HDAC9: variants seen among roughly 807,000 people sequenced by gnomAD.
HDAC9 encodes histone deacetylase 9, also known as MEF-2 interacting transcription repressor (MITR) protein.
A neutral mutation model predicts 139.4 loss-of-function variants in HDAC9; 41 were observed. The observed-to-expected ratio is 0.29, with a 90% confidence interval of 0.23 to 0.38. The LOEUF is 0.38. HDAC9 is among the 10% of genes least tolerant of loss of function. The pLI, the probability that HDAC9 is intolerant of heterozygous loss-of-function variation, is 1.00. For synonymous variants in HDAC9, 517 were observed against 476.2 expected (o/e 1.09, Z -1.12); for missense variants, 1,147 against 1,297.0 (o/e 0.88, Z 1.78).
intron 1 of HDAC9, among the ~76,000 whole-genome samples, chr7:18,108,766 C>T (rs374504365): frequency 2.6e-5 from 4 of 151,910 alleles, no homozygotes; most frequent in South Asian, 2.1e-4. Context: ...GGATTACAGG[C>T]GCGTGCCACC....
chr7:18,796,008 C>G (rs894657447), intron 17 of HDAC9, among the ~76,000 whole-genome samples: 1 of 152,204 alleles, frequency 6.6e-6, no homozygotes, highest in Non-Finnish European at 1.5e-5. Context: ...ATTCATTTTT[C>G]TGCATCTACA....
At chr7:18,325,215 T>A (rs1374488250) in intron 1 of HDAC9, among the ~76,000 whole-genome samples, 2 of 152,158 alleles carry the variant, frequency 1.3e-5, no homozygotes, top group African/African-American at 4.8e-5. Flanking sequence ...AGCATGTGAA[T>A]ATAAATATTA....
chr7:18,458,798 TGGA>T (rs1301614305), intron 1 of HDAC9: 21 of 1,385,560 alleles, frequency 1.5e-5, no homozygotes, highest in Non-Finnish European at 2.0e-5. Context: ...CCAACTCCCA[TGGA>T]GGGTCCTTCC....
intron 1 of HDAC9, among the ~76,000 whole-genome samples, chr7:18,347,401 A>G (rs1782499233): frequency 6.6e-6 from 1 of 152,184 alleles, no homozygotes; most frequent in Non-Finnish European, 1.5e-5. Flanking sequence ...GATGTTTTTC[A>G]TAATGAGTCC....
At chr7:18,937,430 A>G (rs1183356844) in intron 23 of HDAC9, among the ~76,000 whole-genome samples, 2 of 152,194 alleles carry the variant, frequency 1.3e-5, no homozygotes, top group East Asian at 3.9e-4. Context: ...ATCACGCACA[A>G]TTCAACGTGT....
At chr7:18,696,453 G>A (rs952657016) in intron 12 of HDAC9, among the ~76,000 whole-genome samples, 4 of 148,212 alleles carry the variant, frequency 2.7e-5, no homozygotes, top group Non-Finnish European at 5.9e-5. Context: ...ATAATGATCT[G>A]CGGTTGCTTT....
chr7:18,861,413 T>C (rs955182023), intron 21 of HDAC9, among the ~76,000 whole-genome samples: 1 of 152,184 alleles, frequency 6.6e-6, no homozygotes, highest in African/African-American at 2.4e-5. Context: ...TAAGAATCAG[T>C]TTATCTGTTT....
At chr7:18,970,330 G>C (rs901548894) in intron 24 of HDAC9, among the ~76,000 whole-genome samples, 9 of 152,246 alleles carry the variant, frequency 5.9e-5, no homozygotes, top group African/African-American at 1.7e-4. Context: ...GAAGAAGCTG[G>C]TAGCTATGCT....
At chr7:18,420,704 A>T (rs1338115833) in intron 1 of HDAC9, among the ~76,000 whole-genome samples, 1 of 152,176 alleles carries the variant, frequency 6.6e-6, no homozygotes, top group Non-Finnish European at 1.5e-5. Flanking sequence ...AATATCCCTG[A>T]TCTTACAGAA....
intron 17 of HDAC9, among the ~76,000 whole-genome samples, chr7:18,811,991 A>T (rs1456252084): frequency 6.6e-6 from 1 of 151,928 alleles, no homozygotes. Context: ...TAATATACAC[A>T]TGTAGCTTAT....
chr7:18,553,882 T>G (rs1466540406), intron 2 of HDAC9, among the ~76,000 whole-genome samples: 4 of 152,134 alleles, frequency 2.6e-5, no homozygotes, highest in Non-Finnish European at 5.9e-5. Flanking sequence ...GAGTAATGGA[T>G]AAGTTAAATG....
chr7:18,422,521 A>G (rs1178669769), intron 1 of HDAC9, among the ~76,000 whole-genome samples: 1 of 152,116 alleles, frequency 6.6e-6, no homozygotes, highest in Non-Finnish European at 1.5e-5. Flanking sequence ...ATGGACTAAT[A>G]GTGGTGGTCT....
At chr7:18,934,858 C>T (rs997755652) in intron 22 of HDAC9, among the ~76,000 whole-genome samples, 10 of 152,050 alleles carry the variant, frequency 6.6e-5, no homozygotes, top group Non-Finnish European at 1.5e-4. Context: ...TTCATGGCGA[C>T]GTTATTTGTA....
At chr7:18,220,056 T>A (rs1010715097) in intron 2 of HDAC9, among the ~76,000 whole-genome samples, 5 of 152,138 alleles carry the variant, frequency 3.3e-5, no homozygotes, top group Admixed American at 2.6e-4. Context: ...CACACACAAG[T>A]GCATGATACA....
At chr7:18,552,120 CTG>C (rs1817350514) in intron 2 of HDAC9, among the ~76,000 whole-genome samples, 1 of 152,168 alleles carries the variant, frequency 6.6e-6, no homozygotes, top group Non-Finnish European at 1.5e-5. Context: ...TCATTTCAAA[CTG>C]TGACAAATAT....
chr7:18,182,069 A>G (rs965522951), intron 2 of HDAC9, among the ~76,000 whole-genome samples: 1 of 152,078 alleles, frequency 6.6e-6, no homozygotes, highest in Non-Finnish European at 1.5e-5. Context: ...AGTAGGGGAA[A>G]AGGTGTGTGT....
At chr7:18,857,177 T>G (rs182359643) in intron 21 of HDAC9, among the ~76,000 whole-genome samples, 1 of 152,302 alleles carries the variant, frequency 6.6e-6, no homozygotes, top group African/African-American at 2.4e-5. Context: ...TTATTTTCTT[T>G]CACTGAATAA....
chr7:18,665,760 T>A lies in HDAC9; in HGVS notation c.1468-453T>A, dbSNP rs532676794. ...AAAATTAGACAAAGACTATTAGCAT[T>A]TGTGTTCTGGCTTTCATAGCGTTTA... On this transcript the variant is annotated intron_variant, in intron 11 of 25. Coordinates refer to ENST00000686413, the MANE Select transcript of HDAC9 (RefSeq NM_178425.4). Among the ~76,000 whole-genome samples the A allele has an allele frequency of 1.3e-4, 20 of 152,248 alleles. No homozygotes were observed. In the South Asian group the frequency reaches 4.1e-3, roughly 32 times the overall value.
chr7:18,179,637 T>C (rs1431150782), intron 2 of HDAC9, among the ~76,000 whole-genome samples: 1 of 152,222 alleles, frequency 6.6e-6, no homozygotes, highest in Non-Finnish European at 1.5e-5. Context: ...TTTCTTTGAA[T>C]ATTTTATTAC....
Sources: allele counts gnomAD v4.1 joint callset (sites outside exome capture counted in the v4.1 genomes callset), GRCh38; gene constraint gnomAD v4.1.1; transcripts MANE v1.5; gene names NCBI Gene and HGNC (gene_info 2026-07-23, HGNC 2026-07-21).